Variants in PTH2R observed in about 807,000 individuals in gnomAD.
PTH2R encodes the protein PTH2 receptor.
PTH2R carries 59 observed loss-of-function variants against 60.3 expected under a neutral mutation model. That is an observed-to-expected ratio of 0.98 (90% CI 0.79 to 1.22). The LOEUF (loss-of-function observed/expected upper bound fraction) is 1.22, where lower values mean the gene tolerates loss of function less well. Among genes scored for constraint, PTH2R ranks in the 50% most tolerant of loss-of-function variants. The pLI is 0.00. For synonymous variants in PTH2R, 256 were observed against 243.8 expected, an observed-to-expected ratio of 1.05 and a Z score of -0.47; for missense variants, 749 against 682.6, an observed-to-expected ratio of 1.10 and a Z score of -1.08.
intron 7 of PTH2R, among the ~76,000 whole-genome samples, chr2:208,447,109 CCTTTT>C (rs1189948456): frequency 6.6e-6 from 1 of 151,976 alleles, no homozygotes; most frequent in Admixed American, 6.6e-5. Context: ...TTGTGATGAT[CCTTTT>C]CTTTTTAAAT....
chr2:208,367,305 G>A (rs892320757), intron 1 of PTH2R, among the ~76,000 whole-genome samples: 4 of 152,110 alleles, frequency 2.6e-5, no homozygotes, highest in African/African-American at 9.7e-5. Context: ...TGTTGGCCAG[G>A]CTGGTCTCGA....
chr2:208,472,226 T>G (rs1319529581), intron 9 of PTH2R, among the ~76,000 whole-genome samples: 1 of 152,134 alleles, frequency 6.6e-6, no homozygotes, highest in Non-Finnish European at 1.5e-5. Flanking sequence ...TGGGAAGGTG[T>G]GATTGCTTTT....
At chr2:208,465,925 AT>A in intron 9 of PTH2R, among the ~76,000 whole-genome samples, 1 of 152,126 alleles carries the variant, frequency 6.6e-6, no homozygotes, top group Non-Finnish European at 1.5e-5. Flanking sequence ...GTTCAGAAAA[AT>A]TTAACAGGTC....
chr2:208,435,764 C>G (rs527555667), intron 2 of PTH2R, among the ~76,000 whole-genome samples: 1 of 152,288 alleles, frequency 6.6e-6, no homozygotes, highest in African/African-American at 2.4e-5. Flanking sequence ...TGATTTTGGC[C>G]TCACGGGTCT....
intron 1 of PTH2R, among the ~76,000 whole-genome samples, chr2:208,381,641 C>T (rs1700916819): frequency 6.6e-6 from 1 of 152,060 alleles, no homozygotes; most frequent in African/African-American, 2.4e-5. Context: ...ACTGCTGCAT[C>T]TGAAAGAGTA....
At position 208,444,862 on chromosome 2, in the gene PTH2R, G is replaced by A. The variant is rs372413959; in HGVS notation, c.828G>A (p.Leu276=). 6.2e-7 allele frequency: 1 copy of A among 1,613,284 alleles called. No homozygotes were observed. The highest frequency in any genetic ancestry group is 1.3e-5 in the African/African-American group (1 of 74,856). ...FVAFFSDTKY[L]WGFILIGWGF... Reference sequence around the variant, plus strand: ...CTTTCTTTTCGGACACCAAATACCTGTGGGGCTTCATCTTGATAGGCTGGG... The same window carrying A: ...CTTTCTTTTCGGACACCAAATACCTATGGGGCTTCATCTTGATAGGCTGGG... Residue 276 remains leucine, a synonymous_variant, in exon 7 of 13, where the codon CTG becomes CTA. Coordinates refer to ENST00000272847, the MANE Select transcript of PTH2R (RefSeq NM_005048.4).
intron 9 of PTH2R, among the ~76,000 whole-genome samples, chr2:208,465,388 CTTTTTTTTTTTT>C (rs60871321): frequency 3.8e-4 from 15 of 39,928 alleles, no homozygotes; most frequent in South Asian, 2.7e-3. Context: ...ATTTGTAAGT[CTTTTTTTTTTTT>C]TTTTTTTTTT....
chr2:208,437,715 T>A, intron 3 of PTH2R, 45 bp from the exon 4 acceptor site: 1 of 1,605,634 alleles, frequency 6.2e-7, no homozygotes, highest in Non-Finnish European at 8.5e-7. Flanking sequence ...TGATAATAGA[T>A]TCTAAGGGAA....
rs571283216 is a variant in PTH2R, at chr2:208,401,462, C to T, written c.-258-26739C>T. On this transcript the variant is annotated intron_variant, in intron 1 of 12. Transcript: ENST00000617735. ...GCAAAAAGGTTTTTTTTTTTTGCCC[C>T]GTCATTCCTTTTACCTTCCAAACCG... is the stretch of plus-strand genomic sequence containing the variant. Among the ~76,000 whole-genome samples the T allele has an allele frequency of 3.5e-4, 53 of 151,468 alleles. 2 individuals are homozygous for T. In the South Asian group the frequency reaches 0.01, roughly 30 times the overall value.
chr2:208,417,721 G>A (rs764216533), intron 1 of PTH2R, among the ~76,000 whole-genome samples: 1 of 151,706 alleles, frequency 6.6e-6, no homozygotes, highest in Admixed American at 6.6e-5. Context: ...GGCTACAAAC[G>A]TGGGAATCTA....
rs139970512 is a variant in PTH2R at position 208,365,849 on chromosome 2, C to T, written c.-259+5612C>T. Among the ~76,000 whole-genome samples the T allele has an allele frequency of 7.9e-3, 1,092 of 138,068 alleles. 19 individuals are homozygous for T. Among genetic ancestry groups the T allele is most frequent in the African/African-American group, 0.028 (1,028 of 37,192 alleles). 90.6% of individuals were successfully genotyped at this position (138,068 alleles called of 152,430 possible). Reference sequence around the variant, plus strand: ...TAACTCCTGGGCTCAAGCAATTCTGCTTCAGCCTCCTGAGTAGCTGGGACT... The same window carrying T: ...TAACTCCTGGGCTCAAGCAATTCTGTTTCAGCCTCCTGAGTAGCTGGGACT... On this transcript the variant is annotated intron_variant, in intron 1 of 12. Transcript: ENST00000617735.
chr2:208,487,264 CAAGTATGG>C (rs1402514374), intron 10 of PTH2R, among the ~76,000 whole-genome samples: 1 of 152,100 alleles, frequency 6.6e-6, no homozygotes, highest in African/African-American at 2.4e-5. Flanking sequence ...TAGTTAATAT[CAAGTATGG>C]AACCTGAATC....
At chr2:208,446,154 A>G (rs1702283748) in intron 7 of PTH2R, among the ~76,000 whole-genome samples, 1 of 152,248 alleles carries the variant, frequency 6.6e-6, no homozygotes, top group African/African-American at 2.4e-5. Flanking sequence ...CATTGCTTAC[A>G]TTTTTAATAA....
chr2:208,416,337 A>T (rs1044720822), intron 1 of PTH2R, among the ~76,000 whole-genome samples: 1 of 152,234 alleles, frequency 6.6e-6, no homozygotes, highest in African/African-American at 2.4e-5. Context: ...ATCTGCAAGC[A>T]CTTTGTAGGA....
intron 1 of PTH2R, among the ~76,000 whole-genome samples, chr2:208,412,608 A>C (rs1403804915): frequency 1.3e-5 from 2 of 152,216 alleles, no homozygotes; most frequent in Admixed American, 1.3e-4. Context: ...CTGTGTGAGG[A>C]CACTGTACTG....
At chr2:208,460,262 G>GATATT (rs1271883686) in intron 9 of PTH2R, among the ~76,000 whole-genome samples, 1 of 152,074 alleles carries the variant, frequency 6.6e-6, no homozygotes, top group Non-Finnish European at 1.5e-5. Flanking sequence ...TTTCATCCAC[G>GATATT]ATATTATTTT....
chr2:208,428,127 G>T (rs1701894851), intron 1 of PTH2R, 74 bp from the exon 2 acceptor site: 4 of 1,082,616 alleles, frequency 3.7e-6, no homozygotes, highest in Admixed American at 2.1e-5. Flanking sequence ...AGATTAGAAG[G>T]TGAAATAATG....
intron 1 of PTH2R, among the ~76,000 whole-genome samples, chr2:208,387,145 T>C (rs1416740009): frequency 6.6e-6 from 1 of 152,226 alleles, no homozygotes; most frequent in Admixed American, 6.5e-5. Flanking sequence ...CACCCCATAA[T>C]TGTATGTGTG....
chr2:208,483,381 A>G (rs796735361), intron 10 of PTH2R, among the ~76,000 whole-genome samples: 4 of 152,322 alleles, frequency 2.6e-5, no homozygotes, highest in African/African-American at 9.6e-5. Flanking sequence ...AAAGTGGAAG[A>G]GTGTAGTGGT....
Sources: allele counts gnomAD v4.1 joint callset (sites outside exome capture counted in the v4.1 genomes callset), GRCh38; gene constraint gnomAD v4.1.1; transcripts MANE v1.5; gene names NCBI Gene and HGNC (gene_info 2026-07-23, HGNC 2026-07-21).